NFIB: variants seen among roughly 807,000 people sequenced by gnomAD.
The protein encoded by NFIB is nuclear factor I B, also known as nuclear factor 1 B-type.
Under a neutral mutation model 61.5 loss-of-function variants are expected in NFIB, and 11 were observed. The observed-to-expected ratio is 0.18, with a 90% confidence interval of 0.11 to 0.30. The LOEUF (loss-of-function observed/expected upper bound fraction) is 0.30, where lower values mean the gene tolerates loss of function less well. Among genes scored for constraint, NFIB ranks in the 10% least tolerant of loss-of-function variants. NFIB has a pLI of 1.00. For missense variants in NFIB, 471 were observed against 608.9 expected (o/e 0.77, Z 2.38); for synonymous variants, 260 against 216.5 (o/e 1.20, Z -1.76).
intron 3 of NFIB, among the ~76,000 whole-genome samples, chr9:14,161,738 T>C (rs954554525): frequency 1.3e-5 from 2 of 152,140 alleles, no homozygotes; most frequent in African/African-American, 4.8e-5. Context: ...GTAATTAACA[T>C]CCTCATACAC....
chr9:14,301,047 T>A (rs1454464466), intron 2 of NFIB, among the ~76,000 whole-genome samples: 1 of 152,174 alleles, frequency 6.6e-6, no homozygotes, highest in Non-Finnish European at 1.5e-5. Flanking sequence ...AAATGAAAAA[T>A]CCTACCAAAT....
intron 2 of NFIB, among the ~76,000 whole-genome samples, chr9:14,197,309 A>C (rs966056908): frequency 6.6e-6 from 1 of 152,208 alleles, no homozygotes; most frequent in Non-Finnish European, 1.5e-5. Flanking sequence ...GCTATAATAA[A>C]ACTTTATTCC....
rs1336927379 is a variant in NFIB at position 14,307,791 on chromosome 9, C to G, written c.31-271G>C. On this transcript the variant is annotated intron_variant, in intron 1 of 10. Transcript: ENST00000380953. The surrounding 1 kb of genome is among the most constrained non-coding windows in gnomAD (Gnocchi z 5.3). ...TTTATATTTTGTATTACACTCTGGC[C>G]CCATCCCCCTTGTTTCCACCCCAAT... The G allele has an allele frequency of 6.6e-6, 2 of 301,494 alleles. No individual in the cohort carries two copies. The highest frequency in any genetic ancestry group is 1.2e-5 in the Non-Finnish European group (2 of 162,108). The allele number at this position is 301,494 out of a possible 1,614,324, so 18.7% of individuals were successfully genotyped here. A position where few individuals can be genotyped will look rare whatever the true frequency, so the allele number is the denominator to read the frequency against.
At chr9:14,189,517 C>G (rs2047707064) in intron 2 of NFIB, among the ~76,000 whole-genome samples, 1 of 151,568 alleles carries the variant, frequency 6.6e-6, no homozygotes, top group Admixed American at 6.6e-5. Context: ...GAAATATGCA[C>G]AAGTATTTTT....
At chr9:14,326,894 G>A (rs1190541048) in intron 1 of NFIB, among the ~76,000 whole-genome samples, 1 of 152,044 alleles carries the variant, frequency 6.6e-6, no homozygotes, top group Non-Finnish European at 1.5e-5. Flanking sequence ...AATACTATGA[G>A]CAATTAATCT....
chr9:14,396,003 C>T (rs960659274), intron 1 of NFIB, among the ~76,000 whole-genome samples: 15 of 151,918 alleles, frequency 9.9e-5, no homozygotes, highest in East Asian at 5.8e-4. Flanking sequence ...TCCCTGTTGC[C>T]GGCAGTGCAC....
intron 10 of NFIB, 24 bp downstream of exon 10, chr9:14,112,975 C>G: frequency 6.5e-7 from 1 of 1,548,222 alleles, no homozygotes; most frequent in South Asian, 1.2e-5. Flanking sequence ...GCTACACCGT[C>G]ACACCTGGGT....
At chr9:14,260,607 C>T (rs1160397181) in intron 2 of NFIB, among the ~76,000 whole-genome samples, 3 of 152,262 alleles carry the variant, frequency 2.0e-5, no homozygotes, top group Admixed American at 6.5e-5. Flanking sequence ...GGAAAGTTAC[C>T]TGCATGCAGA....
chr9:14,115,732 C>T (rs1307604347), intron 9 of NFIB, among the ~76,000 whole-genome samples: 3 of 152,308 alleles, frequency 2.0e-5, no homozygotes, highest in East Asian at 1.9e-4. Flanking sequence ...TTAACAATGA[C>T]ATAACCTACA....
intron 1 of NFIB, among the ~76,000 whole-genome samples, chr9:14,347,722 T>C (rs1018131385): frequency 1.3e-5 from 2 of 152,016 alleles, no homozygotes; most frequent in African/African-American, 4.8e-5. Flanking sequence ...AGACATTTCC[T>C]TAGGAAACAG....
the NFIB span, among the ~76,000 whole-genome samples, chr9:14,507,027 G>A: frequency 1.3e-5 from 2 of 152,164 alleles, no homozygotes; most frequent in Non-Finnish European, 2.9e-5. Flanking sequence ...GTTTTAAACA[G>A]TTTTTAAAGA....
the NFIB span, among the ~76,000 whole-genome samples, chr9:14,492,469 T>C: frequency 6.6e-6 from 1 of 152,088 alleles, no homozygotes; most frequent in Non-Finnish European, 1.5e-5. Context: ...ACAGGACGAA[T>C]GATGCTGGCA....
At chr9:14,409,990 T>C in the NFIB span, among the ~76,000 whole-genome samples, 1 of 152,190 alleles carries the variant, frequency 6.6e-6, no homozygotes, top group Non-Finnish European at 1.5e-5. Context: ...ACTTTAGTAC[T>C]ACTAGCCTTT....
At position 14,344,108 on chromosome 9, in the gene NFIB, A is replaced by AAGAGAG. The variant is rs149708104; in HGVS notation, c.109-36594_109-36589dup. ...TTAAAGAGAGGGAGAGAGAGAGAGA[A>AAGAGAG]AGAGAGAGAGAGAGAGAGAGAGAGA... On this transcript the variant is annotated intron_variant, in intron 1 of 8. Coordinates refer to the NFIB transcript ENST00000380934. Among the ~76,000 whole-genome samples, 1,327 of 141,532 alleles carry AAGAGAG rather than the reference A, an allele frequency of 9.4e-3. 5 individuals are homozygous for AAGAGAG. The highest frequency in any genetic ancestry group is 0.014 in the South Asian group (60 of 4,178). The allele number at this position is 141,532 out of a possible 152,430, so 92.9% of individuals were successfully genotyped here.
At chr9:14,276,565 T>G (rs941531913) in intron 2 of NFIB, among the ~76,000 whole-genome samples, 1 of 152,148 alleles carries the variant, frequency 6.6e-6, no homozygotes, top group African/African-American at 2.4e-5. Flanking sequence ...GGCTTCAGAT[T>G]ACCTTTGCCA....
chr9:14,181,957 G>C (rs1467907509), intron 2 of NFIB, among the ~76,000 whole-genome samples: 1 of 152,158 alleles, frequency 6.6e-6, no homozygotes, highest in Non-Finnish European at 1.5e-5. Context: ...TCAAAATGGT[G>C]CCGCAAAACT....
chr9:14,396,431 C>T (rs565382472), intron 1 of NFIB, among the ~76,000 whole-genome samples: 1 of 152,094 alleles, frequency 6.6e-6, no homozygotes, highest in African/African-American at 2.4e-5. Context: ...CATGGGAGCT[C>T]TCCATTGAGT....
chr9:14,313,249 C>G lies in NFIB; in HGVS notation c.30+233G>C, dbSNP rs994810637. ...CCACCCCCCGGCGGCCTTGCCCGGC[C>G]CAGCGCCCGCGCTCCGTGCCCAGGG... On this transcript the variant is annotated intron_variant, in intron 1 of 10. Transcript: ENST00000380953. This position sits in a 1 kb window ranked among gnomAD's most constrained non-coding sequence, Gnocchi z 4.5. Among the ~76,000 whole-genome samples, 4 of 151,644 alleles carry G rather than the reference C, an allele frequency of 2.6e-5. No individual in the cohort carries two copies. In the South Asian group the frequency reaches 6.2e-4, roughly 24 times the overall value.
At chr9:14,483,499 A>G in the NFIB span, among the ~76,000 whole-genome samples, 1 of 152,158 alleles carries the variant, frequency 6.6e-6, no homozygotes, top group Non-Finnish European at 1.5e-5. Context: ...TTGGTCAAGA[A>G]GTCAGGCTTT....
Sources: gnomAD v4.1 joint callset for allele counts (sites outside exome capture counted in the v4.1 genomes callset) on GRCh38, gnomAD v4.1.1 for gene constraint, Gnocchi (gnomAD v3.1) non-coding constraint, MANE v1.5 for transcripts, NCBI Gene and HGNC (gene_info 2026-07-23, HGNC 2026-07-21) for gene names.